RBFOX1: variants seen among roughly 807,000 people sequenced by gnomAD.
RBFOX1 encodes RNA binding protein fox-1 homolog 1.
RBFOX1 carries 8 observed loss-of-function variants against 57.7 expected under a neutral mutation model. The observed-to-expected ratio is 0.14, with a 90% CI of 0.08 to 0.25. The LOEUF is 0.25. Ranked by LOEUF, RBFOX1 falls within the 10% of genes least tolerant of loss-of-function variation. RBFOX1 has a pLI of 1.00. For synonymous variants in RBFOX1, 326 were observed against 222.4 expected, an observed-to-expected ratio of 1.47 and a Z score of -4.15; for missense variants, 611 against 548.5, an observed-to-expected ratio of 1.11 and a Z score of -1.14.
intron 1 of RBFOX1, among the ~76,000 whole-genome samples, chr16:6,106,819 C>T (rs1597369174): frequency 6.6e-6 from 1 of 152,092 alleles, no homozygotes; most frequent in Non-Finnish European, 1.5e-5. Flanking sequence ...AGATGCCCAT[C>T]ACCATGCCTG....
At chr16:7,687,025 C>G (rs193171338) in intron 14 of RBFOX1, among the ~76,000 whole-genome samples, 1 of 152,162 alleles carries the variant, frequency 6.6e-6, no homozygotes, top group Non-Finnish European at 1.5e-5. Flanking sequence ...GCAATAGGAA[C>G]TGTGTCTAAA....
chr16:5,623,059 G>C lies in RBFOX1; in HGVS notation c.318+24098G>C, dbSNP rs73527640. On this transcript the variant is annotated intron_variant, in intron 3 of 19. Transcript: ENST00000641259. The stretch of plus-strand genomic sequence containing the variant: ...AACATTCATGGGTTTTGGTATACGG[G>C]GGAGTCTTGGAACCAACCCCTCATG... 9.0e-3 allele frequency among the ~76,000 whole-genome samples: 1,371 copies of C among 152,218 alleles called. 21 individuals carry two copies. The highest frequency in any genetic ancestry group is 0.03 in the African/African-American group (1,245 of 41,516).
intron 4 of RBFOX1, among the ~76,000 whole-genome samples, chr16:7,375,218 C>T (rs897059488): frequency 9.9e-5 from 15 of 152,210 alleles, no homozygotes; most frequent in Non-Finnish European, 1.9e-4. Context: ...TACATCGTTT[C>T]AGTGACCAAG....
chr16:7,045,745 A>G (rs1232361375), intron 3 of RBFOX1, among the ~76,000 whole-genome samples: 1 of 151,778 alleles, frequency 6.6e-6, no homozygotes. Context: ...TACCTCTGCC[A>G]CCCAGGTTCA....
At chr16:7,473,875 C>A (rs541566329) in intron 4 of RBFOX1, among the ~76,000 whole-genome samples, 2 of 152,170 alleles carry the variant, frequency 1.3e-5, no homozygotes, top group African/African-American at 4.8e-5. Flanking sequence ...TGCCAAATTA[C>A]CTAAGTGCCA....
intron 1 of RBFOX1, among the ~76,000 whole-genome samples, chr16:6,178,639 T>A (rs35894970): frequency 0.023 from 3,542 of 152,318 alleles, 136 homozygotes; most frequent in African/African-American, 0.081. Context: ...TATTAATCCC[T>A]TGGTTATTGA....
At chr16:6,152,727 C>T (rs762918056) in intron 1 of RBFOX1, among the ~76,000 whole-genome samples, 11 of 152,100 alleles carry the variant, frequency 7.2e-5, no homozygotes, top group South Asian at 4.1e-4. Flanking sequence ...TCCACGTGGG[C>T]CCACAGACCC....
intron 3 of RBFOX1, among the ~76,000 whole-genome samples, chr16:5,609,532 G>C (rs971198835): frequency 2.6e-5 from 4 of 152,196 alleles, no homozygotes; most frequent in Non-Finnish European, 5.9e-5. Context: ...AGTAGTGGCA[G>C]GTGTCAAGCA....
chr16:7,348,931 G>C (rs1407380650), intron 4 of RBFOX1, among the ~76,000 whole-genome samples: 1 of 152,088 alleles, frequency 6.6e-6, no homozygotes, highest in African/African-American at 2.4e-5. Flanking sequence ...GACACAGCGA[G>C]ACTCCACCTC....
chr16:6,029,316 C>T (rs867585585), intron 1 of RBFOX1, among the ~76,000 whole-genome samples: 9 of 152,208 alleles, frequency 5.9e-5, no homozygotes, highest in African/African-American at 2.2e-4. Context: ...ATTCTATAAA[C>T]TTATTTCTAC....
chr16:5,584,302 T>C (rs1339029665), intron 2 of RBFOX1, among the ~76,000 whole-genome samples: 6 of 152,238 alleles, frequency 3.9e-5, no homozygotes, highest in Admixed American at 3.9e-4. Flanking sequence ...CTGCTCTTCT[T>C]GTCCTTGGGA....
intron 2 of RBFOX1, among the ~76,000 whole-genome samples, chr16:6,366,647 A>G (rs899421349): frequency 2.0e-5 from 3 of 152,200 alleles, no homozygotes; most frequent in Admixed American, 6.5e-5. Flanking sequence ...TTCTGCAGGC[A>G]CTTTACATAG....
At chr16:7,162,271 C>T (rs1176676864) in intron 4 of RBFOX1, among the ~76,000 whole-genome samples, 1 of 152,168 alleles carries the variant, frequency 6.6e-6, no homozygotes, top group Non-Finnish European at 1.5e-5. Context: ...TATTTCCTCT[C>T]TCTCCATATG....
intron 5 of RBFOX1, among the ~76,000 whole-genome samples, chr16:7,568,702 G>A (rs528908284): frequency 7.2e-5 from 11 of 151,784 alleles, no homozygotes; most frequent in African/African-American, 2.4e-4. Context: ...TGGCTAACAT[G>A]GTGAAACCCC....
chr16:7,416,878 A>G (rs938659523), intron 4 of RBFOX1, among the ~76,000 whole-genome samples: 3 of 152,154 alleles, frequency 2.0e-5, no homozygotes, highest in Non-Finnish European at 2.9e-5. Context: ...ATCCCCGACA[A>G]CAACCCTCTG....
intron 3 of RBFOX1, among the ~76,000 whole-genome samples, chr16:6,965,436 A>C (rs2083921754): frequency 1.3e-5 from 2 of 151,496 alleles, no homozygotes; most frequent in African/African-American, 4.9e-5. Flanking sequence ...TCCCGGGTTC[A>C]ATTGATTCTT....
intron 3 of RBFOX1, among the ~76,000 whole-genome samples, chr16:5,784,608 C>T (rs528212615): frequency 3.3e-5 from 5 of 152,260 alleles, no homozygotes; most frequent in Middle Eastern, 3.4e-3. Context: ...GATTCGCTCA[C>T]CTCCCATCTG....
intron 4 of RBFOX1, among the ~76,000 whole-genome samples, chr16:7,185,964 C>T (rs2083653985): frequency 1.3e-5 from 2 of 152,154 alleles, no homozygotes; most frequent in South Asian, 2.1e-4. Flanking sequence ...AAGTATGTCT[C>T]AGCCATTAGT....
At chr16:5,951,487 A>ATG (rs1467370645) in intron 4 of RBFOX1, among the ~76,000 whole-genome samples, 4 of 152,032 alleles carry the variant, frequency 2.6e-5, no homozygotes, top group South Asian at 2.1e-4. Context: ...GTGTATATAT[A>ATG]TGTGTGTGTA....
Sources: gnomAD v4.1 joint callset for allele counts (sites outside exome capture counted in the v4.1 genomes callset) on GRCh38, gnomAD v4.1.1 for gene constraint, MANE v1.5 for transcripts, NCBI Gene and HGNC (gene_info 2026-07-23, HGNC 2026-07-21) for gene names.